CLASP1: variants seen among roughly 807,000 people sequenced by gnomAD.
CLASP1 encodes CLIP-associating protein 1.
CLASP1 carries 38 observed loss-of-function variants against 192.3 expected under a neutral mutation model. That is an observed-to-expected ratio of 0.20 (90% confidence interval 0.15 to 0.26). The LOEUF is 0.26. CLASP1 is among the 10% of genes least tolerant of loss of function. CLASP1 has a pLI of 1.00. For missense variants in CLASP1, 1,433 were observed against 1,932.5 expected (o/e 0.74, Z 4.85); for synonymous variants, 691 against 712.8 (o/e 0.97, Z 0.49).
chr2:121,557,484 T>A (rs1445968256), intron 2 of CLASP1, among the ~76,000 whole-genome samples: 2 of 151,254 alleles, frequency 1.3e-5, no homozygotes, highest in East Asian at 3.9e-4. Flanking sequence ...CCCAGGAGGC[T>A]GAGGCAGGAG....
At chr2:121,590,954 G>A (rs910139409) in intron 2 of CLASP1, among the ~76,000 whole-genome samples, 5 of 147,902 alleles carry the variant, frequency 3.4e-5, no homozygotes, top group East Asian at 2.0e-4. Flanking sequence ...TGCAACCTCC[G>A]CCTCCCGGGT....
chr2:121,528,566 T>C, intron 4 of CLASP1, 111 bp downstream of exon 4: 1 of 790,522 alleles, frequency 1.3e-6, no homozygotes. Flanking sequence ...CTGTAATACA[T>C]CAGCTTAAGT....
At chr2:121,539,148 A>AT (rs975874306) in intron 2 of CLASP1, among the ~76,000 whole-genome samples, 1 of 152,158 alleles carries the variant, frequency 6.6e-6, no homozygotes, top group Non-Finnish European at 1.5e-5. Flanking sequence ...ACAAACATAT[A>AT]TTTTTTTAAG....
intron 2 of CLASP1, among the ~76,000 whole-genome samples, chr2:121,556,338 C>T (rs1179994147): frequency 6.6e-6 from 1 of 152,106 alleles, no homozygotes; most frequent in Non-Finnish European, 1.5e-5. Flanking sequence ...CTCTCTTCAA[C>T]ACCATCCAAG....
intron 1 of CLASP1, among the ~76,000 whole-genome samples, chr2:121,612,246 TGAG>T (rs1269067888): frequency 2.4e-5 from 2 of 82,194 alleles, no homozygotes; most frequent in South Asian, 3.8e-4. Context: ...AAGAGGAGCA[TGAG>T]GAGGAGGAGT....
intron 2 of CLASP1, among the ~76,000 whole-genome samples, chr2:121,553,032 C>A (rs2058186854): frequency 6.6e-6 from 1 of 152,230 alleles, no homozygotes; most frequent in African/African-American, 2.4e-5. Flanking sequence ...GAGATCACAT[C>A]TTTTGTGGGA....
At chr2:121,461,043 ATTT>A in intron 11 of CLASP1, 55 bp downstream of exon 11, 1 of 1,015,542 alleles carries the variant, frequency 9.8e-7, no homozygotes, top group Non-Finnish European at 1.5e-6. Context: ...ACAATAAAGT[ATTT>A]GAGATATTTA....
chr2:121,560,700 A>G (rs762391096), intron 2 of CLASP1, among the ~76,000 whole-genome samples: 1 of 152,200 alleles, frequency 6.6e-6, no homozygotes, highest in Non-Finnish European at 1.5e-5. Flanking sequence ...CTTGAAGTTA[A>G]ATGCTGGGTG....
chr2:121,615,256 T>C (rs997826074), intron 1 of CLASP1, among the ~76,000 whole-genome samples: 10 of 152,004 alleles, frequency 6.6e-5, no homozygotes, highest in Admixed American at 5.9e-4. Context: ...GGAGAATCGC[T>C]TGGACCCGGG....
intron 2 of CLASP1, among the ~76,000 whole-genome samples, chr2:121,598,280 G>A (rs2063379214): frequency 6.6e-6 from 1 of 152,118 alleles, no homozygotes; most frequent in African/African-American, 2.4e-5. Context: ...AAAGTTCAAG[G>A]CCAGCTCACT....
intron 2 of CLASP1, among the ~76,000 whole-genome samples, chr2:121,580,334 C>G (rs984090957): frequency 6.6e-6 from 1 of 152,062 alleles, no homozygotes; most frequent in Non-Finnish European, 1.5e-5. Flanking sequence ...TGACAAATAC[C>G]TTCTCAAAAG....
intron 30 of CLASP1, among the ~76,000 whole-genome samples, chr2:121,390,290 T>C (rs1197097578): frequency 2.0e-5 from 3 of 152,202 alleles, no homozygotes; most frequent in Non-Finnish European, 4.4e-5. Flanking sequence ...TGTTTACTAG[T>C]GACTCAAAAA....
intron 16 of CLASP1, 122 bp downstream of exon 16, chr2:121,450,791 T>C (rs1258292279): frequency 1.6e-6 from 1 of 644,646 alleles, no homozygotes; most frequent in Non-Finnish European, 2.7e-6. Flanking sequence ...TTGGGGGTCA[T>C]GTTTAAAAGT....
At chr2:121,468,235 G>T (rs2090023976) in intron 9 of CLASP1, among the ~76,000 whole-genome samples, 1 of 152,114 alleles carries the variant, frequency 6.6e-6, no homozygotes, top group Admixed American at 6.5e-5. Flanking sequence ...CTCCAGCTTT[G>T]TTCTTTTTGC....
chr2:121,402,016 T>C (rs191571476), intron 26 of CLASP1, 146 bp from the exon 28 acceptor site: 37 of 433,508 alleles, frequency 8.5e-5, no homozygotes, highest in Admixed American at 4.3e-4. Flanking sequence ...TCCATCAATG[T>C]AAGTCTTTAA....
At chr2:121,426,068 C>T (rs1559140896) in intron 21 of CLASP1, among the ~76,000 whole-genome samples, 1 of 152,016 alleles carries the variant, frequency 6.6e-6, no homozygotes, top group Non-Finnish European at 1.5e-5. Context: ...TCACTTGAGC[C>T]CAGGAGGTCA....
intron 2 of CLASP1, among the ~76,000 whole-genome samples, chr2:121,594,766 A>T (rs2062924672): frequency 6.6e-6 from 1 of 152,154 alleles, no homozygotes; most frequent in South Asian, 2.1e-4. Flanking sequence ...GTTTCTAAGA[A>T]CCACTGTATA....
chr2:121,509,828 ACT>A (rs1297159437), intron 7 of CLASP1, among the ~76,000 whole-genome samples: 1 of 152,020 alleles, frequency 6.6e-6, no homozygotes, highest in African/African-American at 2.4e-5. Context: ...AAAGAGTGAG[ACT>A]CTGCCTCAAA....
intron 1 of CLASP1, among the ~76,000 whole-genome samples, chr2:121,638,861 GT>G (rs1196819166): frequency 3.9e-5 from 6 of 151,938 alleles, no homozygotes; most frequent in Non-Finnish European, 7.4e-5. Context: ...TAGAGACAGG[GT>G]TTCACCATGT....
Sources: allele counts gnomAD v4.1 joint callset (sites outside exome capture counted in the v4.1 genomes callset), GRCh38; gene constraint gnomAD v4.1.1; transcripts MANE v1.5; gene names NCBI Gene and HGNC (gene_info 2026-07-23, HGNC 2026-07-21).